The following STEAP1B variants were observed in gnomAD, a reference collection of about 807,000 sequenced individuals.
The protein encoded by STEAP1B is STEAP family protein MGC87042.
STEAP1B carries 13 observed loss-of-function variants against 27.9 expected under a neutral mutation model. That is an observed-to-expected ratio of 0.47 (90% confidence interval 0.30 to 0.74). STEAP1B has a LOEUF of 0.74. Ranked by LOEUF, STEAP1B falls within the 30% of genes least tolerant of loss-of-function variation. The pLI, the probability that STEAP1B is intolerant of heterozygous loss-of-function variation, is 0.06. For missense variants in STEAP1B, 250 were observed against 298.7 expected (o/e 0.84, Z 1.20); for synonymous variants, 86 against 107.1 (o/e 0.80, Z 1.22).
intron 1 of STEAP1B, among the ~76,000 whole-genome samples, chr7:22,498,990 G>A (rs1272688098): frequency 1.3e-5 from 2 of 152,200 alleles, no homozygotes; most frequent in Admixed American, 6.5e-5. Context: ...TAAACTATGA[G>A]TCAAATAAAT....
At chr7:22,423,854 C>A (rs1583625795) in intron 4 of STEAP1B, among the ~76,000 whole-genome samples, 1 of 152,180 alleles carries the variant, frequency 6.6e-6, no homozygotes, top group Non-Finnish European at 1.5e-5. Flanking sequence ...CACAGGGAGA[C>A]CCTGTCTGTA....
intron 4 of STEAP1B, among the ~76,000 whole-genome samples, chr7:22,487,925 T>G (rs2128415978): frequency 6.6e-6 from 1 of 151,604 alleles, no homozygotes; most frequent in Non-Finnish European, 1.5e-5. Flanking sequence ...TATATTAGCA[T>G]CTGTATCTCT....
At chr7:22,441,309 T>A (rs1481223716) in intron 4 of STEAP1B, among the ~76,000 whole-genome samples, 1 of 152,162 alleles carries the variant, frequency 6.6e-6, no homozygotes. Flanking sequence ...CCCACCCTAT[T>A]GGACTTCCTT....
intron 4 of STEAP1B, among the ~76,000 whole-genome samples, chr7:22,476,040 GGT>G (rs1363024045): frequency 6.6e-6 from 1 of 152,086 alleles, no homozygotes; most frequent in Non-Finnish European, 1.5e-5. Context: ...CCCCCAATGG[GGT>G]GAATTGGGGT....
intron 4 of STEAP1B, among the ~76,000 whole-genome samples, chr7:22,456,996 G>A (rs1344060906): frequency 1.0e-5 from 1 of 96,498 alleles, no homozygotes; most frequent in Non-Finnish European, 2.1e-5. Context: ...TAAGTATCCT[G>A]GGTGGTTCTG....
intron 4 of STEAP1B, among the ~76,000 whole-genome samples, chr7:22,456,972 A>ATATTTTTTTTTTTTT: frequency 5.3e-5 from 3 of 57,080 alleles, no homozygotes; most frequent in African/African-American, 1.4e-4. Flanking sequence ...ATATATATAT[A>ATATTTTTTTTTTTTT]TTTTTTTTTT....
intron 4 of STEAP1B, chr7:22,438,453 A>G: frequency 2.6e-6 from 4 of 1,531,284 alleles, no homozygotes; most frequent in Non-Finnish European, 3.5e-6. Flanking sequence ...TGTAAGATGT[A>G]TGAGCAGGGA....
chr7:22,431,920 C>T (rs774640684), intron 4 of STEAP1B, among the ~76,000 whole-genome samples: 2 of 152,190 alleles, frequency 1.3e-5, no homozygotes, highest in Non-Finnish European at 2.9e-5. Flanking sequence ...CCTCCTCTTG[C>T]CAGTCCCTAG....
chr7:22,456,972 A>ATATATATATATATTTTTTTTTTTTT, intron 4 of STEAP1B, among the ~76,000 whole-genome samples: 5 of 57,042 alleles, frequency 8.8e-5, no homozygotes, highest in Non-Finnish European at 1.3e-4. Flanking sequence ...ATATATATAT[A>ATATATATATATATTTTTTTTTTTTT]TTTTTTTTTT....
intron 4 of STEAP1B, among the ~76,000 whole-genome samples, chr7:22,462,274 ACAATGTGCAGGTTAGT>A (rs1785690774): frequency 6.6e-6 from 1 of 151,040 alleles, no homozygotes; most frequent in African/African-American, 2.4e-5. Flanking sequence ...GTACATGTGC[ACAATGTGCAGGTTAGT>A]TACATATGTA....
intron 4 of STEAP1B, among the ~76,000 whole-genome samples, chr7:22,465,515 T>C (rs1197427982): frequency 3.3e-5 from 5 of 152,214 alleles, no homozygotes; most frequent in African/African-American, 1.2e-4. Context: ...ATTCTTCTGT[T>C]GTGTAGATTT....
At chr7:22,488,320 T>TGGGGAAGGAGAA (rs1786251647) in intron 4 of STEAP1B, among the ~76,000 whole-genome samples, 1 of 152,186 alleles carries the variant, frequency 6.6e-6, no homozygotes. Context: ...ATTCTGTGTT[T>TGGGGAAGGAGAA]GGGGAAGGAG....
chr7:22,431,823 G>T (rs1785191468), intron 4 of STEAP1B, among the ~76,000 whole-genome samples: 1 of 152,098 alleles, frequency 6.6e-6, no homozygotes, highest in Non-Finnish European at 1.5e-5. Context: ...ACTCCACTTG[G>T]GCCACCCTTC....
In STEAP1B at chr7:22,450,917, C is replaced by T. The variant is rs187958159; in HGVS notation, c.763-31081G>A. The stretch of plus-strand genomic sequence containing the variant: ...TTTGTGACTACTGAAAATGGGGGCC[C>T]GGCACAGTGGCTCATGCTTGCAATC... On this transcript the variant is annotated intron_variant, in intron 4 of 4. Transcript: ENST00000678116. 6.1e-4 allele frequency among the ~76,000 whole-genome samples: 92 copies of T among 152,036 alleles called. 1 individual carries two copies. The highest frequency in any genetic ancestry group is 1.9e-3 in the African/African-American group (80 of 41,468).
At chr7:22,450,251 A>T (rs1785466717) in intron 4 of STEAP1B, among the ~76,000 whole-genome samples, 1 of 152,208 alleles carries the variant, frequency 6.6e-6, no homozygotes, top group Admixed American at 6.5e-5. Flanking sequence ...ACTTTTGCCC[A>T]GACCAATGTC....
intron 4 of STEAP1B, among the ~76,000 whole-genome samples, chr7:22,471,962 A>G (rs538167158): frequency 2.9e-4 from 44 of 151,956 alleles, no homozygotes; most frequent in Admixed American, 6.6e-4. Flanking sequence ...AACTACTTTA[A>G]AAGGCTGTGT....
At chr7:22,438,451 G>A (rs1414894852) in intron 4 of STEAP1B, 2 of 1,529,642 alleles carry the variant, frequency 1.3e-6, no homozygotes, top group South Asian at 1.2e-5. Flanking sequence ...TATGTAAGAT[G>A]TATGAGCAGG....
chr7:22,498,134 T>C (rs1232561678), intron 1 of STEAP1B, among the ~76,000 whole-genome samples: 1 of 152,196 alleles, frequency 6.6e-6, no homozygotes, highest in African/African-American at 2.4e-5. Flanking sequence ...CTCGCTGGCC[T>C]GCCACTCCCC....
At position 22,492,567 on chromosome 7, in the gene STEAP1B, G is replaced by A; in HGVS notation, c.760C>T (p.Gln254Ter). 1.3e-6 allele frequency: 2 copies of A among 1,591,870 alleles called. No homozygotes were observed. The highest frequency in any genetic ancestry group is 1.7e-6 in the Non-Finnish European group (2 of 1,172,930). Residue 254 changes from glutamine (Q) to a stop codon, truncating the protein, a stop_gained and splice_region_variant, in exon 4 of 5, where the codon CAG becomes TAG. Transcript: ENST00000678116. LOFTEE classifies it high-confidence loss of function. ...SLTWREFHYIQVHGRINFLTL is the reference protein window; with the variant it reads ...SLTWREFHYI The stretch of plus-strand genomic sequence containing the variant: ...GGGTTATTTTATATATTATTTACCT[G>A]AATATAGTGAAATTCTCTCCATGTC...
Sources: allele counts gnomAD v4.1 joint callset (sites outside exome capture counted in the v4.1 genomes callset), GRCh38; gene constraint gnomAD v4.1.1; transcripts MANE v1.5; gene names NCBI Gene and HGNC (gene_info 2026-07-23, HGNC 2026-07-21).